Variants in PTPRS observed in about 807,000 individuals in gnomAD.
PTPRS encodes the protein receptor-type tyrosine-protein phosphatase S.
In PTPRS, 63 loss-of-function variants were observed where a neutral mutation model predicts 215.3. The ratio of observed to expected loss-of-function variants is 0.29; its 90% CI spans 0.24 to 0.36. PTPRS has a LOEUF of 0.36. Among genes scored for constraint, PTPRS ranks in the 10% least tolerant of loss-of-function variants. The pLI, the probability that PTPRS is intolerant of heterozygous loss-of-function variation, is 1.00. For missense variants in PTPRS, 2,258 were observed against 2,825.8 expected (o/e 0.80, Z 4.56); for synonymous variants, 1,404 against 1,191.4 (o/e 1.18, Z -3.68).
Position 5,231,625 on chromosome 19 carries a change from G to A in PTPRS, c.1850-10C>T, listed in dbSNP as rs754257574. On this transcript the variant is annotated splice_polypyrimidine_tract_variant and intron_variant, in intron 13 of 37. Transcript: ENST00000262963. ...GGGGGGGCTGACGGTTCTATTGGAG[G>A]GGGGGAGAACGTGGGGGGGTGGGGA... is the stretch of plus-strand genomic sequence containing the variant. 1.1e-4 allele frequency: 19 copies of A among 169,280 alleles called. 1 individual carries two copies. In the South Asian group the frequency reaches 2.8e-3, roughly 25 times the overall value. The allele number at this position is 169,280 out of a possible 1,614,324, so 10.5% of individuals were successfully genotyped here. A position where few individuals can be genotyped will look rare whatever the true frequency, so the allele number is the denominator to read the frequency against.
intron 16 of PTPRS, among the ~76,000 whole-genome samples, chr19:5,226,324 CT>C (rs1015756917): frequency 3.3e-5 from 5 of 151,852 alleles, no homozygotes; most frequent in Non-Finnish European, 7.4e-5. Context: ...GCCTTCCCCC[CT>C]GTCTACACCC....
intron 37 of PTPRS, among the ~76,000 whole-genome samples, 196 bp downstream of exon 37, chr19:5,207,726 C>A (rs2040493528): frequency 6.6e-6 from 1 of 152,248 alleles, no homozygotes. Flanking sequence ...CACTTCTCGC[C>A]TTTGACCTTC....
At chr19:5,232,358 C>T (rs1329636153) in intron 13 of PTPRS, among the ~76,000 whole-genome samples, 1 of 150,282 alleles carries the variant, frequency 6.7e-6, no homozygotes, top group Admixed American at 6.6e-5. Flanking sequence ...GGCACCATAC[C>T]AAGGGGAATG....
chr19:5,219,126 G>T, intron 23 of PTPRS, 184 bp downstream of exon 23: 1 of 820,516 alleles, frequency 1.2e-6, no homozygotes, highest in Non-Finnish European at 1.9e-6. Context: ...GGCCTGCTTT[G>T]AGCCCTAGCT....
At chr19:5,309,134 G>A (rs892825440) in intron 1 of PTPRS, among the ~76,000 whole-genome samples, 1 of 152,156 alleles carries the variant, frequency 6.6e-6, no homozygotes, top group Admixed American at 6.5e-5. Flanking sequence ...GCAGCTCCGG[G>A]GGTGGAGAGA....
Position 5,279,832 on chromosome 19 carries a change from G to A in PTPRS, c.92-5488C>T, listed in dbSNP as rs1221057807. ...CGAGTAGCTGGGACTATAGGCGCCC[G>A]CCACCATGCCTGGCTAATTTTTTTG... On this transcript the variant is annotated intron_variant, in intron 2 of 37. Transcript: ENST00000262963. 1.1e-4 allele frequency among the ~76,000 whole-genome samples: 17 copies of A among 151,898 alleles called. 1 individual carries two copies. The highest frequency in any genetic ancestry group is 1.1e-3 in the Admixed American group (17 of 15,238).
At position 5,339,382 on chromosome 19, in the gene PTPRS, G is replaced by A. The variant is rs116718658; in HGVS notation, c.-95+1282C>T. On this transcript the variant is annotated intron_variant, in intron 1 of 37. Coordinates refer to ENST00000262963, the MANE Select transcript of PTPRS (RefSeq NM_002850.4). The surrounding 1 kb of genome is among the most constrained non-coding windows in gnomAD (Gnocchi z 4.2). ...GGAGACGAGAAGACGATTTGAGACT[G>A]GGGAAAGAGGGTCAACCGAAGAAGG... Among the ~76,000 whole-genome samples, 1,447 of 152,172 alleles carry A rather than the reference G, an allele frequency of 9.5e-3. 23 individuals carry two copies. The highest frequency in any genetic ancestry group is 0.032 in the African/African-American group (1,341 of 41,508).
At chr19:5,265,684 T>C (rs1352270487) in intron 4 of PTPRS, among the ~76,000 whole-genome samples, 1 of 151,764 alleles carries the variant, frequency 6.6e-6, no homozygotes, top group Non-Finnish European at 1.5e-5. Context: ...GTCAGGGAGC[T>C]GAGCCAGGTA....
At chr19:5,254,439 G>A (rs1444949501) in intron 9 of PTPRS, among the ~76,000 whole-genome samples, 3 of 146,580 alleles carry the variant, frequency 2.0e-5, no homozygotes. Context: ...TTTTATTGGG[G>A]GTTGGAGTAA....
At chr19:5,240,447 T>C (rs998477217) in intron 11 of PTPRS, 115 bp from the exon 12 acceptor site, 1 of 1,109,646 alleles carries the variant, frequency 9.0e-7, no homozygotes, top group Non-Finnish European at 1.2e-6. Context: ...TCTAGAATGT[T>C]CTTTTATTTT....
chr19:5,250,604 C>T (rs946699890), intron 9 of PTPRS, among the ~76,000 whole-genome samples: 6 of 16,018 alleles, frequency 3.7e-4, no homozygotes, highest in Non-Finnish European at 5.3e-4. Flanking sequence ...ACCGAGTAGC[C>T]GGGGGGTCCC....
rs913866627 is a variant in PTPRS at position 5,248,759 on chromosome 19, G to A, written c.719-2714C>T. ...CCATAGTAAACCTCTCCAGGCAGACGTGGAGGAGCTGATGTGGCTGAATGA... is the reference window on the plus strand; with the variant it reads ...CCATAGTAAACCTCTCCAGGCAGACATGGAGGAGCTGATGTGGCTGAATGA... On this transcript the variant is annotated intron_variant, in intron 9 of 37. Coordinates refer to ENST00000262963, the MANE Select transcript of PTPRS (RefSeq NM_002850.4). Among the ~76,000 whole-genome samples the A allele has an allele frequency of 2.6e-5, 4 of 152,230 alleles. No homozygotes were observed. In the South Asian group the frequency reaches 8.3e-4, roughly 32 times the overall value.
At chr19:5,335,892 G>A (rs1216389637) in intron 1 of PTPRS, among the ~76,000 whole-genome samples, 1 of 151,996 alleles carries the variant, frequency 6.6e-6, no homozygotes, top group Non-Finnish European at 1.5e-5. Flanking sequence ...CGCAGAGGGT[G>A]CCTTGATTCC....
intron 1 of PTPRS, among the ~76,000 whole-genome samples, chr19:5,332,820 C>T (rs1228684351): frequency 6.6e-6 from 1 of 152,376 alleles, no homozygotes; most frequent in Middle Eastern, 3.4e-3. Context: ...CAGCCCAGCT[C>T]TGGGGGCTTT....
In PTPRS at chr19:5,222,144, G is replaced by A. The variant is rs916569661; in HGVS notation, c.3180C>T (p.Tyr1060=). 5.0e-6 allele frequency: 8 copies of A among 1,613,686 alleles called. No individual in the cohort carries two copies. The highest frequency in any genetic ancestry group is 1.3e-5 in the African/African-American group (1 of 74,930). Residue 1060 remains tyrosine, a synonymous_variant, in exon 19 of 38, where the codon TAC becomes TAT. Coordinates refer to ENST00000262963, the MANE Select transcript of PTPRS (RefSeq NM_002850.4). ...VLLSWEFPDN[Y]NSPTPYKIQY... ...GCACCTTGTAGGGTGTGGGTGAGTT[G>A]TAGTTGTCAGGGAACTCCCAGCTGA...
At chr19:5,224,059 A>C (rs1486388150) in intron 17 of PTPRS, among the ~76,000 whole-genome samples, 1 of 151,966 alleles carries the variant, frequency 6.6e-6, no homozygotes, top group Non-Finnish European at 1.5e-5. Flanking sequence ...CACGCCTGTA[A>C]TCCCAGCTAC....
At chr19:5,268,078 G>A (rs145240844) in intron 4 of PTPRS, among the ~76,000 whole-genome samples, 14 of 151,282 alleles carry the variant, frequency 9.3e-5, no homozygotes, top group African/African-American at 2.7e-4. Context: ...GCTGAGGCAG[G>A]AGAATGGCGT....
At chr19:5,305,199 A>G (rs1019684618) in intron 1 of PTPRS, among the ~76,000 whole-genome samples, 4 of 152,188 alleles carry the variant, frequency 2.6e-5, no homozygotes, top group Non-Finnish European at 5.9e-5. Flanking sequence ...CACATCAGCT[A>G]TTATTCCAGG....
At position 5,207,912 on chromosome 19, in the gene PTPRS, C is replaced by T. The variant is rs766849148; in HGVS notation, c.5778+10G>A. On this transcript the variant is annotated intron_variant, in intron 37 of 37. Coordinates refer to ENST00000262963, the MANE Select transcript of PTPRS (RefSeq NM_002850.4). The stretch of plus-strand genomic sequence containing the variant: ...GGCCAGGCTGCCTCCCCTCCCTGTC[C>T]CATCTTTACCTCTGTCTGCACCATG... 14 of 1,612,808 alleles carry T rather than the reference C, an allele frequency of 8.7e-6. No homozygotes were observed. The highest frequency in any genetic ancestry group is 1.1e-5 in the Non-Finnish European group (13 of 1,179,498).
Sources: allele counts gnomAD v4.1 joint callset (sites outside exome capture counted in the v4.1 genomes callset), GRCh38; gene constraint gnomAD v4.1.1; non-coding constraint Gnocchi (gnomAD v3.1); transcripts MANE v1.5; gene names NCBI Gene and HGNC (gene_info 2026-07-23, HGNC 2026-07-21).